The following SLC24A2 variants were observed in gnomAD, a reference collection of about 807,000 sequenced individuals.
SLC24A2 encodes the protein solute carrier family 24 member 2.
In SLC24A2, 36 loss-of-function variants were observed where a neutral mutation model predicts 62.0. The observed-to-expected ratio is 0.58, with a 90% confidence interval of 0.44 to 0.77. SLC24A2 has a LOEUF of 0.77. Among genes scored for constraint, SLC24A2 ranks in the 30% least tolerant of loss-of-function variants. The probability of loss-of-function intolerance (pLI) is 0.00; values close to 1 mark genes in which losing one functional copy is unlikely to be tolerated. For synonymous variants in SLC24A2, 358 were observed against 294.0 expected, an observed-to-expected ratio of 1.22 and a Z score of -2.23; for missense variants, 846 against 817.9, an observed-to-expected ratio of 1.03 and a Z score of -0.42.
At chr9:19,893,934 G>A in the SLC24A2 span, among the ~76,000 whole-genome samples, 45 of 152,258 alleles carry the variant, frequency 3.0e-4, no homozygotes, top group African/African-American at 9.1e-4. Flanking sequence ...AGGAAACAAA[G>A]GGAGAAGAGA....
At chr9:19,687,086 C>T (rs1425438980) in intron 2 of SLC24A2, among the ~76,000 whole-genome samples, 2 of 151,962 alleles carry the variant, frequency 1.3e-5, no homozygotes, top group African/African-American at 4.8e-5. Flanking sequence ...ATTGAGTACA[C>T]ATAGACACAA....
chr9:20,000,250 G>A, the SLC24A2 span, among the ~76,000 whole-genome samples: 1 of 152,166 alleles, frequency 6.6e-6, no homozygotes, highest in East Asian at 1.9e-4. Context: ...ACTGTGCTAA[G>A]CATATTACAT....
intron 5 of SLC24A2, among the ~76,000 whole-genome samples, chr9:19,584,425 T>C (rs1204587003): frequency 6.6e-6 from 1 of 152,188 alleles, no homozygotes; most frequent in African/African-American, 2.4e-5. Flanking sequence ...AGGAAGAGAC[T>C]TCATATTTGT....
chr9:20,009,385 A>G, the SLC24A2 span, among the ~76,000 whole-genome samples: 21 of 48,558 alleles, frequency 4.3e-4, no homozygotes, highest in South Asian at 3.1e-3. Flanking sequence ...CTCTGTCTCA[A>G]AAAAAAAAAA....
At chr9:19,799,339 A>C in the SLC24A2 span, among the ~76,000 whole-genome samples, 8 of 152,158 alleles carry the variant, frequency 5.3e-5, no homozygotes, top group African/African-American at 1.4e-4. Flanking sequence ...TCCTAAAGTA[A>C]TTCTTCTTCT....
chr9:20,078,943 T>C, the SLC24A2 span, among the ~76,000 whole-genome samples: 1 of 152,222 alleles, frequency 6.6e-6, no homozygotes, highest in East Asian at 1.9e-4. Flanking sequence ...ACTAGTAACT[T>C]TTTGTAGTGG....
the SLC24A2 span, among the ~76,000 whole-genome samples, chr9:19,803,685 T>C: frequency 6.6e-6 from 1 of 152,156 alleles, no homozygotes; most frequent in Non-Finnish European, 1.5e-5. Flanking sequence ...ACCCAATAAT[T>C]CAGAAGAGAT....
At chr9:20,250,205 T>C in the SLC24A2 span, among the ~76,000 whole-genome samples, 1 of 152,230 alleles carries the variant, frequency 6.6e-6, no homozygotes, top group Non-Finnish European at 1.5e-5. Flanking sequence ...GTGAGGAAAC[T>C]TGAGACTAGA....
intron 4 of SLC24A2, among the ~76,000 whole-genome samples, chr9:19,617,447 C>T (rs1817797339): frequency 6.6e-6 from 1 of 152,094 alleles, no homozygotes; most frequent in African/African-American, 2.4e-5. Context: ...AAATAGGTAT[C>T]TATATTCATA....
At chr9:20,077,179 C>T in the SLC24A2 span, among the ~76,000 whole-genome samples, 1 of 151,756 alleles carries the variant, frequency 6.6e-6, no homozygotes, top group Non-Finnish European at 1.5e-5. Flanking sequence ...TCAGAGGATA[C>T]AAAGTAGCAG....
chr9:20,108,151 C>G, the SLC24A2 span, among the ~76,000 whole-genome samples: 239 of 152,314 alleles, frequency 1.6e-3, 1 homozygote, highest in Middle Eastern at 6.8e-3. Flanking sequence ...CAATGAGATA[C>G]CATCTCACAC....
At chr9:19,625,947 A>G (rs1818023884) in intron 2 of SLC24A2, among the ~76,000 whole-genome samples, 1 of 152,044 alleles carries the variant, frequency 6.6e-6, no homozygotes, top group East Asian at 1.9e-4. Context: ...TCAGCCTCCC[A>G]AAGTGCTGGG....
chr9:19,828,628 C>T, the SLC24A2 span, among the ~76,000 whole-genome samples: 2 of 152,066 alleles, frequency 1.3e-5, no homozygotes, highest in Non-Finnish European at 2.9e-5. Context: ...TGTTCCTGCC[C>T]TTACTCTCCC....
chr9:19,621,485 C>G (rs954955852), intron 3 of SLC24A2, among the ~76,000 whole-genome samples: 5 of 152,142 alleles, frequency 3.3e-5, no homozygotes, highest in African/African-American at 1.2e-4. Context: ...TTTTTTAATG[C>G]ATTGTATTAT....
the SLC24A2 span, among the ~76,000 whole-genome samples, chr9:19,998,985 T>C: frequency 6.6e-6 from 1 of 152,304 alleles, no homozygotes; most frequent in East Asian, 1.9e-4. Context: ...TCTCTTTGTG[T>C]GTGGTGATAT....
the SLC24A2 span, among the ~76,000 whole-genome samples, chr9:20,036,889 T>C: frequency 2.9e-4 from 43 of 146,094 alleles, 1 homozygote; most frequent in East Asian, 6.3e-3. Flanking sequence ...TGTGTGTGTG[T>C]GCGTATATAT....
chr9:20,119,110 G>A, the SLC24A2 span, among the ~76,000 whole-genome samples: 2 of 152,144 alleles, frequency 1.3e-5, no homozygotes, highest in Non-Finnish European at 2.9e-5. Context: ...CCAGCAAGAA[G>A]CTAAGGCCCT....
At chr9:19,837,270 G>A in the SLC24A2 span, among the ~76,000 whole-genome samples, 1 of 150,920 alleles carries the variant, frequency 6.6e-6, no homozygotes, top group Non-Finnish European at 1.5e-5. Context: ...GGCTAACAAG[G>A]TGAAACCCCG....
the SLC24A2 span, among the ~76,000 whole-genome samples, chr9:20,271,753 T>C: frequency 6.6e-6 from 1 of 152,196 alleles, no homozygotes; most frequent in African/African-American, 2.4e-5. Context: ...CTCCGTTTTG[T>C]TATTAAAGAA....
Sources: gnomAD v4.1 joint callset for allele counts (sites outside exome capture counted in the v4.1 genomes callset) on GRCh38, gnomAD v4.1.1 for gene constraint, MANE v1.5 for transcripts, NCBI Gene and HGNC (gene_info 2026-07-23, HGNC 2026-07-21) for gene names.